The following SPEG variants were observed in gnomAD, a reference collection of about 807,000 sequenced individuals.
The protein encoded by SPEG is striated muscle preferentially expressed protein kinase.
SPEG carries 114 observed loss-of-function variants against 300.4 expected under a neutral mutation model. The observed-to-expected ratio is 0.38, with a 90% CI of 0.33 to 0.44. The LOEUF (loss-of-function observed/expected upper bound fraction) is 0.44. Among genes scored for constraint, SPEG ranks in the 20% least tolerant of loss-of-function variants. The pLI is 1.00. For synonymous variants in SPEG, 1,964 were observed against 2,018.9 expected (o/e 0.97, Z 0.73); for missense variants, 4,201 against 4,586.2 (o/e 0.92, Z 2.43).
chr2:219,478,287 T>C (rs565187578), intron 22 of SPEG, among the ~76,000 whole-genome samples, 182 bp downstream of exon 22: 131 of 152,372 alleles, frequency 8.6e-4, no homozygotes, highest in African/African-American at 2.7e-3. Flanking sequence ...TAAATTTTCA[T>C]AGCATTTAAT....
chr2:219,481,269 C>A lies in SPEG; in HGVS notation c.5370-35C>A, dbSNP rs1369854673. On this transcript the variant is annotated intron_variant, in intron 26 of 40. Transcript: ENST00000312358. The surrounding 1 kb of genome is among the most constrained non-coding windows in gnomAD (Gnocchi z 5.4). ...CCACTGACATTCCCCTTTGTCCCCG[C>A]CTGCCCCTCATGACAGCCCTCTTCA... 6.2e-7 allele frequency: 1 copy of A among 1,607,896 alleles called. No homozygotes were observed. Among genetic ancestry groups the A allele is most frequent in the East Asian group, 2.2e-5 (1 of 44,832 alleles).
intron 9 of SPEG, 103 bp from the exon 10 acceptor site, chr2:219,467,071 C>T: frequency 7.3e-7 from 1 of 1,377,050 alleles, no homozygotes. Context: ...AAATGCATCT[C>T]TCTCTCTGTG....
chr2:219,487,458 C>T (rs1258748209), intron 31 of SPEG, among the ~76,000 whole-genome samples: 1 of 152,232 alleles, frequency 6.6e-6, no homozygotes, highest in East Asian at 1.9e-4. Context: ...AGCAAGCATC[C>T]TGTGGGCGTG....
intron 1 of SPEG, among the ~76,000 whole-genome samples, chr2:219,436,361 G>A (rs1954719114): frequency 6.6e-6 from 1 of 152,260 alleles, no homozygotes; most frequent in East Asian, 1.9e-4. Context: ...AGTAAGCCAA[G>A]TGGTACTTCT....
chr2:219,454,778 T>C (rs1690046083), intron 6 of SPEG, among the ~76,000 whole-genome samples: 1 of 152,114 alleles, frequency 6.6e-6, no homozygotes, highest in South Asian at 2.1e-4. Context: ...GCAAATAAAC[T>C]TAGTGTGGGG....
In SPEG at chr2:219,473,154, G is replaced by A. The variant is rs1003004866; in HGVS notation, c.4147+58G>A. 2 of 1,515,950 alleles carry A rather than the reference G, an allele frequency of 1.3e-6. No homozygotes were observed. Among genetic ancestry groups the A allele is most frequent in the African/African-American group, 1.4e-5 (1 of 73,004 alleles). The allele number at this position is 1,515,950 out of a possible 1,614,324, so 93.9% of individuals were successfully genotyped here. On this transcript the variant is annotated intron_variant, in intron 16 of 40. Coordinates refer to ENST00000312358, the MANE Select transcript of SPEG (RefSeq NM_005876.5). This position sits in a 1 kb window ranked among gnomAD's most constrained non-coding sequence, Gnocchi z 4.6. The stretch of plus-strand genomic sequence containing the variant: ...GGAGCTGCTGGGATGGGGAATGGGG[G>A]CCCTGTGGTGGAGGCTCAAGGGATG...
rs1429857463 is a variant in SPEG at position 219,481,533 on chromosome 2, C to G, written c.5522+77C>G. On this transcript the variant is annotated intron_variant, in intron 27 of 40. Coordinates refer to ENST00000312358, the MANE Select transcript of SPEG (RefSeq NM_005876.5). The surrounding 1 kb of genome is among the most constrained non-coding windows in gnomAD (Gnocchi z 5.4). ...CTGCCTGCTACTCCCAAACTCCTGCCCCTCGACATGCAAGCCCCCAACTCC... is the reference window on the plus strand; with the variant it reads ...CTGCCTGCTACTCCCAAACTCCTGCGCCTCGACATGCAAGCCCCCAACTCC... The G allele has an allele frequency of 5.0e-6, 8 of 1,605,038 alleles. No individual in the cohort carries two copies. In the East Asian group the frequency reaches 1.8e-4, roughly 36 times the overall value.
rs766307838 is a variant in SPEG at position 219,467,188 on chromosome 2, C to G, written c.2896C>G (p.Arg966Gly). ...TTTCCCCTCAGCACACCCTGAAAGC[C>G]GGTCCCTGGCCGTGCTGGCCCCCCT... ...RLEVRAHPES[R>G]SLAVLAPLQD... The change falls in exon 10 of 41, where the codon CGG becomes GGG. Residue 966 changes from arginine (R) to glycine (G), a missense_variant. Coordinates refer to ENST00000312358, the MANE Select transcript of SPEG (RefSeq NM_005876.5). The G allele has an allele frequency of 3.2e-6, 5 of 1,581,520 alleles. No homozygotes were observed. The highest frequency in any genetic ancestry group is 1.1e-5 in the South Asian group (1 of 88,436).
At chr2:219,447,548 G>A (rs1559367889) in intron 3 of SPEG, among the ~76,000 whole-genome samples, 2 of 151,910 alleles carry the variant, frequency 1.3e-5, no homozygotes, top group African/African-American at 4.8e-5. Flanking sequence ...CCAGCTGGGG[G>A]CTGGAATGAG....
Position 219,492,220 on chromosome 2 carries a change from G to A in SPEG, c.9571G>A (p.Ala3191Thr), listed in dbSNP as rs978332290. ...FQLYPNTSQS[A>T]TLFLRKVLSV... ...GCTGTACCCCAATACATCCCAGAGC[G>A]CCACCCTCTTCTTGCGAAAGGTTCT... The change falls in exon 40 of 41, where the codon GCC becomes ACC. Residue 3191 changes from alanine to threonine, a missense_variant. Around this residue, in one of 4 missense-constraint regions of SPEG, gnomAD observed 318 missense variants for 429.5 expected, o/e 0.74. Coordinates refer to ENST00000312358, the MANE Select transcript of SPEG (RefSeq NM_005876.5). 2 of 1,613,570 alleles carry A rather than the reference G, an allele frequency of 1.2e-6. No individual in the cohort carries two copies. The highest frequency in any genetic ancestry group is 2.2e-5 in the South Asian group (2 of 91,070).
At chr2:219,461,210 G>T in intron 6 of SPEG, 1 of 987,004 alleles carries the variant, frequency 1.0e-6, no homozygotes. Context: ...CTTCCCCCAG[G>T]CTGAGCTGCC....
Position 219,480,742 on chromosome 2 carries a change from A to C in SPEG, c.5369+45A>C, listed in dbSNP as rs1263887622. ...GTCCCAGCAGTCTCCTGGCAGGTCTACCCCTAACCTTTGCAGGGCTGCAGC... is the reference window on the plus strand; with the variant it reads ...GTCCCAGCAGTCTCCTGGCAGGTCTCCCCCTAACCTTTGCAGGGCTGCAGC... On this transcript the variant is annotated intron_variant, in intron 26 of 40. Coordinates refer to ENST00000312358, the MANE Select transcript of SPEG (RefSeq NM_005876.5). This position sits in a 1 kb window ranked among gnomAD's most constrained non-coding sequence, Gnocchi z 5.3. The C allele has an allele frequency of 1.3e-6, 2 of 1,599,224 alleles. No homozygotes were observed. Among genetic ancestry groups the C allele is most frequent in the Non-Finnish European group, 1.7e-6 (2 of 1,166,948 alleles).
Position 219,484,017 on chromosome 2 carries a change from A to C in SPEG, c.6554A>C (p.Lys2185Thr). ...PSSPARPSAP[K>T]PSTPKSAEPS... ...AGCCCTGCACGGCCCAGCGCCCCCA[A>C]ACCCAGTACCCCTAAGTCTGCAGAA... is the stretch of plus-strand genomic sequence containing the variant. The change falls in exon 30 of 41, where the codon AAA becomes ACA. Residue 2185 changes from lysine (K) to threonine (T), a missense_variant. By Grantham distance (78) the Lys-to-Thr change is moderately conservative. Transcript: ENST00000312358. 6.2e-7 allele frequency: 1 copy of C among 1,613,072 alleles called. No homozygotes were observed. The highest frequency in any genetic ancestry group is 8.5e-7 in the Non-Finnish European group (1 of 1,179,762).
At chr2:219,442,417 C>T (rs1688989406) in intron 1 of SPEG, among the ~76,000 whole-genome samples, 1 of 152,006 alleles carries the variant, frequency 6.6e-6, no homozygotes, top group African/African-American at 2.4e-5. Flanking sequence ...CTCTGTCCAA[C>T]CTCAACCCCG....
rs770822187 is a variant in SPEG, at chr2:219,484,251, A to T, written c.6788A>T (p.Gln2263Leu). ...QLSGHAQGPS[Q>L]GPAAPPSEPK... is the part of the protein sequence containing the mutation. The stretch of plus-strand genomic sequence containing the variant: ...TCAGGCCACGCCCAGGGCCCCTCGC[A>T]GGGCCCTGCCGCGCCGCCTTCAGAG... The change falls in exon 30 of 41, where the codon CAG becomes CTG. Residue 2263 changes from glutamine (Q) to leucine (L), a missense_variant. By Grantham distance (113) the Gln-to-Leu change is moderately radical (BLOSUM62 -2). This residue lies in a region of SPEG where 1,578 missense variants were observed against 1,506.0 expected (regional missense o/e 1.05). Transcript: ENST00000312358. 1.2e-6 allele frequency: 2 copies of T among 1,610,234 alleles called. No homozygotes were observed. Among genetic ancestry groups the T allele is most frequent in the Non-Finnish European group, 1.7e-6 (2 of 1,179,594 alleles).
At chr2:219,478,205 C>G (rs1173558486) in intron 22 of SPEG, 100 bp downstream of exon 22, 1 of 1,036,256 alleles carries the variant, frequency 9.7e-7, no homozygotes, top group African/African-American at 1.6e-5. Flanking sequence ...CAAAGTAGTC[C>G]CAATTGACAA....
chr2:219,482,019 C>T, intron 28 of SPEG: 1 of 448,802 alleles, frequency 2.2e-6, no homozygotes. Flanking sequence ...CCATCTCTGT[C>T]CTGCACTGGT....
chr2:219,471,702 C>A, intron 13 of SPEG, 166 bp from the exon 14 acceptor site: 1 of 788,396 alleles, frequency 1.3e-6, no homozygotes, highest in Non-Finnish European at 2.0e-6. Flanking sequence ...CTTTGCTGCA[C>A]CATGGATGCA....
chr2:219,465,179 CA>C (rs1691153201), intron 9 of SPEG: 1 of 153,124 alleles, frequency 6.5e-6, no homozygotes, highest in Non-Finnish European at 1.5e-5. Context: ...GAGCCTGGGG[CA>C]TATGTGCAGG....
Sources: allele counts gnomAD v4.1 joint callset (sites outside exome capture counted in the v4.1 genomes callset), GRCh38; gene constraint gnomAD v4.1.1; regional missense constraint gnomAD v4.1.1; non-coding constraint Gnocchi (gnomAD v3.1); transcripts MANE v1.5; gene names NCBI Gene and HGNC (gene_info 2026-07-23, HGNC 2026-07-21).